Variants in SLC8A3 observed in about 807,000 individuals in gnomAD.
SLC8A3 encodes sodium/calcium exchanger 3.
In SLC8A3, 37 loss-of-function variants were observed where a neutral mutation model predicts 65.4. The ratio of observed to expected loss-of-function variants is 0.57; its 90% confidence interval spans 0.44 to 0.74. The LOEUF is 0.74. SLC8A3 is among the 30% of genes least tolerant of loss of function. The pLI is 0.00. For missense variants in SLC8A3, 1,112 were observed against 1,172.1 expected, an observed-to-expected ratio of 0.95 and a Z score of 0.75; for synonymous variants, 461 against 444.5, an observed-to-expected ratio of 1.04 and a Z score of -0.47.
intron 1 of SLC8A3, among the ~76,000 whole-genome samples, chr14:70,187,978 A>G (rs908802783): frequency 7.2e-5 from 11 of 152,198 alleles, no homozygotes; most frequent in Middle Eastern, 3.4e-3. Flanking sequence ...TGGCACACAT[A>G]TGCCGACATG....
At chr14:70,088,069 C>T (rs1188422794) in intron 2 of SLC8A3, among the ~76,000 whole-genome samples, 2 of 152,080 alleles carry the variant, frequency 1.3e-5, no homozygotes, top group East Asian at 3.9e-4. Flanking sequence ...TGGAGCAGGT[C>T]ATTGAGAATA....
chr14:70,184,477 T>C (rs17107951), intron 1 of SLC8A3, among the ~76,000 whole-genome samples: 35,462 of 152,122 alleles, frequency 0.23, 4,211 homozygotes, highest in Middle Eastern at 0.32. Context: ...TCTTTACATA[T>C]GAATCCCTTC....
intron 2 of SLC8A3, among the ~76,000 whole-genome samples, chr14:70,089,028 A>G (rs541218024): frequency 6.6e-6 from 1 of 152,236 alleles, no homozygotes; most frequent in East Asian, 1.9e-4. Context: ...AACTTCACTC[A>G]CCCAACACAG....
In SLC8A3 at chr14:70,052,017, G is replaced by A; in HGVS notation, c.1986C>T (p.Val662=). Reference sequence around the variant, plus strand: ...TGAACTCATAGGACTCTTCAATGATGACTTCTAGTTTGGGGTGTTCACCCA... The same window carrying A: ...TGAACTCATAGGACTCTTCAATGATAACTTCTAGTTTGGGGTGTTCACCCA... ...PVLGEHPKLE[V]IIEESYEFKT... Residue 662 remains valine (V), a synonymous_variant, in exon 4 of 7, where the codon GTC becomes GTT. Coordinates refer to ENST00000356921, the MANE Select transcript of SLC8A3 (RefSeq NM_182932.3). 5.0e-6 allele frequency: 8 copies of A among 1,613,344 alleles called. No individual in the cohort carries two copies. The highest frequency in any genetic ancestry group is 6.8e-6 in the Non-Finnish European group (8 of 1,179,670).
chr14:70,164,058 C>A (rs1489772747), intron 2 of SLC8A3, among the ~76,000 whole-genome samples: 1 of 152,124 alleles, frequency 6.6e-6, no homozygotes, highest in East Asian at 1.9e-4. Flanking sequence ...GTTAATTCGT[C>A]AATATTACTA....
intron 2 of SLC8A3, among the ~76,000 whole-genome samples, chr14:70,085,439 T>C (rs932710127): frequency 6.6e-6 from 1 of 152,180 alleles, no homozygotes; most frequent in African/African-American, 2.4e-5. Flanking sequence ...GATAGCAATG[T>C]TTGCAGTTCA....
chr14:70,068,436 T>C (rs944130331), intron 2 of SLC8A3, among the ~76,000 whole-genome samples: 5 of 152,228 alleles, frequency 3.3e-5, no homozygotes, highest in Admixed American at 6.5e-5. Context: ...CGGAGTGCAG[T>C]GGTGTGATCA....
At chr14:70,088,629 C>T (rs926405963) in intron 2 of SLC8A3, among the ~76,000 whole-genome samples, 1 of 152,144 alleles carries the variant, frequency 6.6e-6, no homozygotes, top group Non-Finnish European at 1.5e-5. Context: ...TTTTAATAGC[C>T]TCAACCTTTA....
At chr14:70,069,479 C>A (rs1889800462) in intron 2 of SLC8A3, among the ~76,000 whole-genome samples, 1 of 152,204 alleles carries the variant, frequency 6.6e-6, no homozygotes, top group Non-Finnish European at 1.5e-5. Flanking sequence ...ACAGAGCTTC[C>A]TTGACCTGGG....
At chr14:70,099,850 A>C (rs1892448333) in intron 2 of SLC8A3, among the ~76,000 whole-genome samples, 1 of 152,166 alleles carries the variant, frequency 6.6e-6, no homozygotes, top group Non-Finnish European at 1.5e-5. Context: ...TCTGATAATA[A>C]ACTCCTAAAG....
At chr14:70,077,471 T>A (rs1287537497) in intron 2 of SLC8A3, among the ~76,000 whole-genome samples, 3 of 152,292 alleles carry the variant, frequency 2.0e-5, no homozygotes, top group East Asian at 3.9e-4. Flanking sequence ...CATGTTTCAA[T>A]CCCATTGGTT....
chr14:70,079,124 C>A (rs1346801640), intron 2 of SLC8A3, among the ~76,000 whole-genome samples: 3 of 152,066 alleles, frequency 2.0e-5, no homozygotes, highest in African/African-American at 7.2e-5. Context: ...AGGGCAGGAG[C>A]TGCATTTGTT....
intron 2 of SLC8A3, among the ~76,000 whole-genome samples, chr14:70,094,996 C>T (rs896769936): frequency 6.6e-6 from 1 of 152,220 alleles, no homozygotes; most frequent in Non-Finnish European, 1.5e-5. Flanking sequence ...CATCCTGGCT[C>T]AGGTGCATAA....
intron 2 of SLC8A3, among the ~76,000 whole-genome samples, chr14:70,113,303 C>A (rs540894385): frequency 9.2e-5 from 14 of 152,276 alleles, no homozygotes; most frequent in African/African-American, 3.4e-4. Flanking sequence ...GGTTACTGTA[C>A]TGGAAACTGT....
intron 2 of SLC8A3, among the ~76,000 whole-genome samples, chr14:70,093,268 A>G (rs1232219964): frequency 1.3e-5 from 2 of 152,194 alleles, no homozygotes; most frequent in African/African-American, 4.8e-5. Context: ...GAAAGACAAA[A>G]TGAGAGAGAC....
At chr14:70,085,551 C>T (rs1891370948) in intron 2 of SLC8A3, among the ~76,000 whole-genome samples, 1 of 152,212 alleles carries the variant, frequency 6.6e-6, no homozygotes, top group Non-Finnish European at 1.5e-5. Context: ...ATCCCTACAA[C>T]ATGCCCAGTC....
chr14:70,091,094 G>C (rs1471375600), intron 2 of SLC8A3, among the ~76,000 whole-genome samples: 1 of 152,204 alleles, frequency 6.6e-6, no homozygotes, highest in Non-Finnish European at 1.5e-5. Flanking sequence ...CAACGATAAT[G>C]TGCACTGCTG....
intron 2 of SLC8A3, among the ~76,000 whole-genome samples, chr14:70,070,897 G>A (rs1457320695): frequency 6.6e-6 from 1 of 152,192 alleles, no homozygotes; most frequent in East Asian, 1.9e-4. Flanking sequence ...TCTCACTATA[G>A]TCAATTTCAG....
intron 1 of SLC8A3, among the ~76,000 whole-genome samples, chr14:70,174,174 C>A (rs990247109): frequency 4.6e-5 from 7 of 152,218 alleles, no homozygotes; most frequent in Admixed American, 1.3e-4. Context: ...GTTTGAGCGC[C>A]CCTTCGAGCA....
Sources: gnomAD v4.1 joint callset for allele counts (sites outside exome capture counted in the v4.1 genomes callset) on GRCh38, gnomAD v4.1.1 for gene constraint, MANE v1.5 for transcripts, NCBI Gene and HGNC (gene_info 2026-07-23, HGNC 2026-07-21) for gene names.